The following CHCHD6 variants were observed in gnomAD, a reference collection of about 807,000 sequenced individuals.
The protein encoded by CHCHD6 is coiled-coil-helix-coiled-coil-helix domain containing 6.
Under a neutral mutation model 32.3 loss-of-function variants are expected in CHCHD6, and 28 were observed. The ratio of observed to expected loss-of-function variants is 0.87; its 90% confidence interval spans 0.64 to 1.19. CHCHD6 has a LOEUF of 1.19. Ranked by LOEUF, CHCHD6 falls within the 50% of genes most tolerant of loss-of-function variation. The pLI is 0.00. For synonymous variants in CHCHD6, 122 were observed against 117.5 expected, an observed-to-expected ratio of 1.04 and a Z score of -0.25; for missense variants, 333 against 307.0, an observed-to-expected ratio of 1.08 and a Z score of -0.63.
rs374598851 is a variant in CHCHD6 at position 126,729,081 on chromosome 3, G to A, written c.197-1480G>A. Among the ~76,000 whole-genome samples the A allele has an allele frequency of 7.2e-5, 11 of 152,110 alleles. No individual in the cohort carries two copies. In the East Asian group the frequency reaches 1.3e-3, roughly 19 times the overall value. ...AAATGTATGGCTTGAAGCCATGAAA[G>A]TACAATAGAAGATAGATTTTCTACA... On this transcript the variant is annotated intron_variant, in intron 2 of 7. Transcript: ENST00000290913.
intron 4 of CHCHD6, among the ~76,000 whole-genome samples, chr3:126,831,803 CAAG>C (rs371951918): frequency 4.9e-4 from 75 of 152,272 alleles, no homozygotes; most frequent in Admixed American, 2.5e-3. Context: ...CTCCTGCCAT[CAAG>C]AAGAAGAGTG....
chr3:126,932,617 CAG>C (rs1020182417), intron 6 of CHCHD6, among the ~76,000 whole-genome samples: 1 of 152,212 alleles, frequency 6.6e-6, no homozygotes, highest in Non-Finnish European at 1.5e-5. Flanking sequence ...AGCAGCCCTG[CAG>C]AGAGCCTGAG....
chr3:126,769,158 G>A lies in CHCHD6; in HGVS notation c.411+35936G>A, dbSNP rs560438296. 5.9e-5 allele frequency among the ~76,000 whole-genome samples: 9 copies of A among 152,174 alleles called. No homozygotes were observed. In the South Asian group the frequency reaches 8.3e-4, roughly 14 times the overall value. On this transcript the variant is annotated intron_variant, in intron 4 of 7. Transcript: ENST00000290913. Reference sequence around the variant, plus strand: ...ATCTTCCAGTATTTTATGGTTCTAGGTTTTACATTTAAATATTTAATCCAT... The same window carrying A: ...ATCTTCCAGTATTTTATGGTTCTAGATTTTACATTTAAATATTTAATCCAT...
intron 1 of CHCHD6, among the ~76,000 whole-genome samples, chr3:126,707,067 G>A (rs945227855): frequency 3.9e-5 from 6 of 152,090 alleles, no homozygotes; most frequent in Admixed American, 3.3e-4. Flanking sequence ...AGGAGTTAAA[G>A]ACCAGTCTGG....
At chr3:126,741,341 ATT>A (rs5852490) in intron 4 of CHCHD6, among the ~76,000 whole-genome samples, 2 of 148,412 alleles carry the variant, frequency 1.3e-5, no homozygotes, top group African/African-American at 2.5e-5. Context: ...CAAATCAGTG[ATT>A]TTTTTTTTTT....
intron 5 of CHCHD6, among the ~76,000 whole-genome samples, chr3:126,881,455 G>A (rs948407817): frequency 6.6e-6 from 1 of 152,208 alleles, no homozygotes; most frequent in African/African-American, 2.4e-5. Flanking sequence ...CCATTGAGCA[G>A]GGCCCTATGT....
intron 4 of CHCHD6, among the ~76,000 whole-genome samples, chr3:126,842,810 C>CT (rs63135461): frequency 0.051 from 4,865 of 94,636 alleles, 246 homozygotes; most frequent in African/African-American, 0.15. Context: ...CACTGAAATT[C>CT]TTTTTTTTTT....
chr3:126,833,554 G>C (rs1940727108), intron 4 of CHCHD6, among the ~76,000 whole-genome samples: 1 of 152,214 alleles, frequency 6.6e-6, no homozygotes, highest in African/African-American at 2.4e-5. Context: ...AAGAATGTGG[G>C]CTTCGCAACT....
At chr3:126,717,030 G>T (rs79903368) in intron 1 of CHCHD6, among the ~76,000 whole-genome samples, 1 of 152,168 alleles carries the variant, frequency 6.6e-6, no homozygotes, top group Non-Finnish European at 1.5e-5. Flanking sequence ...TGTTGGGGTG[G>T]CAGCCTGCTG....
intron 1 of CHCHD6, among the ~76,000 whole-genome samples, chr3:126,706,482 A>G (rs757789147): frequency 6.6e-6 from 1 of 152,126 alleles, no homozygotes; most frequent in Non-Finnish European, 1.5e-5. Flanking sequence ...GACAATACCC[A>G]TACCTGTCCT....
chr3:126,806,965 G>A lies in CHCHD6; in HGVS notation c.412-45682G>A, dbSNP rs535627098. Among the ~76,000 whole-genome samples the A allele has an allele frequency of 9.0e-4, 132 of 146,422 alleles. 1 individual carries two copies. The highest frequency in any genetic ancestry group is 2.4e-3 in the South Asian group (11 of 4,600). ...TCGCAAGGACAAAAAACGAAACACC[G>A]CATGTTCTCATTCATAGATGGGAAT... On this transcript the variant is annotated intron_variant, in intron 4 of 7. Coordinates refer to ENST00000290913, the MANE Select transcript of CHCHD6 (RefSeq NM_032343.3).
chr3:126,919,317 CTT>C (rs756862821), intron 6 of CHCHD6, among the ~76,000 whole-genome samples: 1 of 68,112 alleles, frequency 1.5e-5, no homozygotes, highest in Non-Finnish European at 3.4e-5. Flanking sequence ...TTTCTTTTTT[CTT>C]TTTTTTTTTT....
intron 5 of CHCHD6, among the ~76,000 whole-genome samples, chr3:126,860,459 G>C (rs550752799): frequency 1.3e-4 from 19 of 151,616 alleles, no homozygotes; most frequent in African/African-American, 2.7e-4. Context: ...GTTGGGGAAA[G>C]GGGGGAGGGA....
At chr3:126,921,747 G>GC (rs2078251109) in intron 6 of CHCHD6, among the ~76,000 whole-genome samples, 1 of 152,240 alleles carries the variant, frequency 6.6e-6, no homozygotes, top group Non-Finnish European at 1.5e-5. Flanking sequence ...GAGCAGAGCT[G>GC]CTGTAGTGCT....
chr3:126,739,755 A>G (rs566770181), intron 4 of CHCHD6, among the ~76,000 whole-genome samples: 43 of 152,188 alleles, frequency 2.8e-4, no homozygotes, highest in Admixed American at 9.2e-4. Flanking sequence ...CTCTGCTGAA[A>G]TACCCCATCT....
intron 4 of CHCHD6, among the ~76,000 whole-genome samples, chr3:126,827,635 T>A (rs1940453365): frequency 6.6e-6 from 1 of 152,224 alleles, no homozygotes; most frequent in African/African-American, 2.4e-5. Flanking sequence ...TGAAGTCTTC[T>A]GAGATGCCAC....
chr3:126,849,384 T>C (rs1324731863), intron 4 of CHCHD6, among the ~76,000 whole-genome samples: 1 of 152,236 alleles, frequency 6.6e-6, no homozygotes, highest in Non-Finnish European at 1.5e-5. Flanking sequence ...TTTTTGAACT[T>C]GTCCGTGTCT....
intron 4 of CHCHD6, among the ~76,000 whole-genome samples, chr3:126,837,301 AC>A (rs1940899451): frequency 6.6e-6 from 1 of 152,028 alleles, no homozygotes; most frequent in South Asian, 2.1e-4. Context: ...GTGGTGGCTC[AC>A]CCTGTAATTC....
chr3:126,741,858 C>T (rs913566478), intron 4 of CHCHD6, among the ~76,000 whole-genome samples: 2 of 152,152 alleles, frequency 1.3e-5, no homozygotes, highest in African/African-American at 4.8e-5. Flanking sequence ...GATGTGGCTC[C>T]CTGTGGTCCT....
Sources: allele counts gnomAD v4.1 joint callset (sites outside exome capture counted in the v4.1 genomes callset), GRCh38; gene constraint gnomAD v4.1.1; transcripts MANE v1.5; gene names NCBI Gene and HGNC (gene_info 2026-07-23, HGNC 2026-07-21).